Variants in GRM7 observed in about 807,000 individuals in gnomAD.
GRM7 encodes the protein metabotropic glutamate receptor 7.
In GRM7, 35 loss-of-function variants were observed where a neutral mutation model predicts 84.5. The observed-to-expected ratio is 0.41, with a 90% confidence interval of 0.32 to 0.55. The LOEUF is 0.55. Among genes scored for constraint, GRM7 ranks in the 20% least tolerant of loss-of-function variants. GRM7 has a pLI of 0.19. For missense variants in GRM7, 1,003 were observed against 1,194.6 expected, an observed-to-expected ratio of 0.84 and a Z score of 2.36; for synonymous variants, 487 against 455.1, an observed-to-expected ratio of 1.07 and a Z score of -0.89.
intron 4 of GRM7, among the ~76,000 whole-genome samples, chr3:7,391,079 A>G (rs116500251): frequency 0.017 from 2,535 of 149,142 alleles, 39 homozygotes; most frequent in Middle Eastern, 0.048. Context: ...ATTGTGGTGT[A>G]TATTGTATAT....
At chr3:7,586,745 T>A (rs1695538297) in intron 8 of GRM7, among the ~76,000 whole-genome samples, 1 of 152,042 alleles carries the variant, frequency 6.6e-6, no homozygotes, top group South Asian at 2.1e-4. Context: ...GAGGCAGAGG[T>A]TGCAGTGGGC....
At chr3:7,110,389 T>A (rs999618083) in intron 1 of GRM7, among the ~76,000 whole-genome samples, 20 of 152,012 alleles carry the variant, frequency 1.3e-4, no homozygotes, top group Non-Finnish European at 4.4e-5. Flanking sequence ...TCACTTCAGG[T>A]CAGGAGTTTA....
chr3:7,454,060 C>A (rs1697894766), intron 6 of GRM7, among the ~76,000 whole-genome samples: 1 of 137,998 alleles, frequency 7.2e-6, no homozygotes, highest in Non-Finnish European at 1.6e-5. Context: ...AATTATGAGC[C>A]AAGAACCATA....
At chr3:6,892,069 G>A (rs891387041) in intron 1 of GRM7, among the ~76,000 whole-genome samples, 3 of 152,034 alleles carry the variant, frequency 2.0e-5, no homozygotes, top group African/African-American at 7.3e-5. Context: ...CTCGAGCCTT[G>A]GCTTTCAGCT....
In GRM7 at chr3:7,532,875, TAAA is replaced by T. The variant is rs200116512; in HGVS notation, c.1516-45534_1516-45532del. Among the ~76,000 whole-genome samples, 375 of 86,528 alleles carry T rather than the reference TAAA, an allele frequency of 4.3e-3. 3 individuals are homozygous for T. The highest frequency in any genetic ancestry group is 0.013 in the African/African-American group (325 of 25,860). The allele number at this position is 86,528 out of a possible 152,430, so 56.8% of individuals were successfully genotyped here. A position where few individuals can be genotyped will look rare whatever the true frequency, so the allele number is the denominator to read the frequency against. On this transcript the variant is annotated intron_variant, in intron 7 of 9. Transcript: ENST00000357716. ...AAAACAGACTTTAAACCAACAAAGA[TAAA>T]AAAAAAAAAAAAGACAAAGAATGGC...
chr3:7,264,753 C>T (rs1698570455), intron 2 of GRM7, among the ~76,000 whole-genome samples: 3 of 151,868 alleles, frequency 2.0e-5, no homozygotes, highest in South Asian at 4.2e-4. Flanking sequence ...TCCTAGCTTC[C>T]AGGGTGTCCT....
intron 4 of GRM7, among the ~76,000 whole-genome samples, chr3:7,345,054 CAATT>C (rs902369081): frequency 4.6e-5 from 7 of 151,842 alleles, no homozygotes; most frequent in African/African-American, 1.7e-4. Flanking sequence ...AGTTATGTGT[CAATT>C]AAAACTAATT....
rs1017204007 is a variant in GRM7 at position 7,141,732 on chromosome 3, G to GA, written c.520-4710dup. 4.9e-3 allele frequency among the ~76,000 whole-genome samples: 727 copies of GA among 147,438 alleles called. 5 individuals carry two copies. Among genetic ancestry groups the GA allele is most frequent in the African/African-American group, 0.017 (687 of 40,366 alleles). ...ATAGTAAAACACTGGCCCAAGACTT[G>GA]AAAAAAAAAATCAAATAGTAGAAGA... On this transcript the variant is annotated intron_variant, in intron 1 of 9. Transcript: ENST00000357716.
chr3:7,103,744 CTCTCCCTTT>C (rs1699187032), intron 1 of GRM7, among the ~76,000 whole-genome samples: 1 of 136,866 alleles, frequency 7.3e-6, no homozygotes, highest in Non-Finnish European at 1.5e-5. Flanking sequence ...CTCTTTCTCT[CTCTCCCTTT>C]CTTTCTTTCT....
chr3:6,894,821 G>A (rs1402648923), intron 1 of GRM7, among the ~76,000 whole-genome samples: 1 of 152,142 alleles, frequency 6.6e-6, no homozygotes, highest in Non-Finnish European at 1.5e-5. Flanking sequence ...AATTAAACAT[G>A]CAGTTGTAGA....
intron 1 of GRM7, among the ~76,000 whole-genome samples, chr3:6,886,523 C>G (rs528254133): frequency 3.7e-4 from 56 of 152,150 alleles, no homozygotes; most frequent in Non-Finnish European, 5.9e-4. Flanking sequence ...TATAGTTTCT[C>G]AAGCTCAATA....
In GRM7 at chr3:7,126,289, T is replaced by C. The variant is rs574071640; in HGVS notation, c.520-20163T>C. Reference sequence around the variant, plus strand: ...AAATTTGAAATTACTTTTCTGAAAATGCCATCTATTACCATAACTCTGCAC... The same window carrying C: ...AAATTTGAAATTACTTTTCTGAAAACGCCATCTATTACCATAACTCTGCAC... On this transcript the variant is annotated intron_variant, in intron 1 of 9. Transcript: ENST00000357716. 8.5e-5 allele frequency among the ~76,000 whole-genome samples: 13 copies of C among 152,318 alleles called. No individual in the cohort carries two copies. The East Asian group carries it at 2.5e-3, about 29-fold the overall frequency.
chr3:7,166,119 T>C lies in GRM7; in HGVS notation c.736+19451T>C, dbSNP rs888714445. Among the ~76,000 whole-genome samples, 5 of 152,216 alleles carry C rather than the reference T, an allele frequency of 3.3e-5. No individual in the cohort carries two copies. In the East Asian group the frequency reaches 5.8e-4, roughly 18 times the overall value. ...TTAAAGAAACTGGGACAGAGAGATA[T>C]GTATAATTTTATAACTAATAGTCTC... On this transcript the variant is annotated intron_variant, in intron 2 of 9. Coordinates refer to ENST00000357716, the MANE Select transcript of GRM7 (RefSeq NM_000844.4).
intron 1 of GRM7, among the ~76,000 whole-genome samples, chr3:6,954,667 T>G (rs188855946): frequency 1.9e-3 from 285 of 152,338 alleles, no homozygotes; most frequent in Non-Finnish European, 2.9e-3. Context: ...GGTCCAGGTC[T>G]ATTACTTACT....
Position 7,188,995 on chromosome 3 carries a change from A to T in GRM7, c.736+42327A>T, listed in dbSNP as rs547667573. Among the ~76,000 whole-genome samples, 248 of 152,312 alleles carry T rather than the reference A, an allele frequency of 1.6e-3. No homozygotes were observed. Among genetic ancestry groups the T allele is most frequent in the African/African-American group, 5.7e-3 (235 of 41,570 alleles). On this transcript the variant is annotated intron_variant, in intron 2 of 9. Transcript: ENST00000357716. The surrounding 1 kb of genome is among the most constrained non-coding windows in gnomAD (Gnocchi z 4.2). Reference sequence around the variant, plus strand: ...GCCTAGGAGCTGTACTTTCTGAGTGAGTGGTCTCCGACCTGTTGCAGCCTT... The same window carrying T: ...GCCTAGGAGCTGTACTTTCTGAGTGTGTGGTCTCCGACCTGTTGCAGCCTT...
intron 8 of GRM7, among the ~76,000 whole-genome samples, chr3:7,584,534 G>C (rs575679009): frequency 2.6e-5 from 4 of 152,280 alleles, no homozygotes; most frequent in Admixed American, 2.6e-4. Context: ...TTTTCTCCTT[G>C]AACCTATGAA....
chr3:7,282,210 C>A (rs766310792), intron 2 of GRM7, among the ~76,000 whole-genome samples: 14 of 152,226 alleles, frequency 9.2e-5, no homozygotes, highest in African/African-American at 1.7e-4. Flanking sequence ...ACAGCAGATT[C>A]ACTTACAATC....
intron 2 of GRM7, among the ~76,000 whole-genome samples, chr3:7,294,293 C>T (rs1401495963): frequency 2.0e-5 from 3 of 152,124 alleles, no homozygotes; most frequent in African/African-American, 7.2e-5. Flanking sequence ...GCTGGGTTTC[C>T]ATCCAAAATT....
At chr3:7,084,942 A>G (rs9881092) in intron 1 of GRM7, among the ~76,000 whole-genome samples, 56,306 of 152,044 alleles carry the variant, frequency 0.37, 10,649 homozygotes, top group Middle Eastern at 0.44. Context: ...AATCTCTTAA[A>G]TGACTAAGTG....
Sources: gnomAD v4.1 joint callset for allele counts (sites outside exome capture counted in the v4.1 genomes callset) on GRCh38, gnomAD v4.1.1 for gene constraint, Gnocchi (gnomAD v3.1) non-coding constraint, MANE v1.5 for transcripts, NCBI Gene and HGNC (gene_info 2026-07-23, HGNC 2026-07-21) for gene names.